KANK1: variants seen among roughly 807,000 people sequenced by gnomAD.
KANK1 encodes KN motif and ankyrin repeat domain-containing protein 1.
In KANK1, 109 loss-of-function variants were observed where a neutral mutation model predicts 106.2. The ratio of observed to expected loss-of-function variants is 1.03; its 90% CI spans 0.88 to 1.20. The LOEUF is 1.20. Among genes scored for constraint, KANK1 ranks in the 50% most tolerant of loss-of-function variants. The probability of loss-of-function intolerance (pLI) is 0.00; values close to 1 mark genes in which losing one functional copy is unlikely to be tolerated. For synonymous variants in KANK1, 873 were observed against 652.2 expected (o/e 1.34, Z -5.16); for missense variants, 2,399 against 1,710.7 (o/e 1.40, Z -7.10).
At chr9:693,653 A>G (rs1002702144) in intron 2 of KANK1, 71 of 985,276 alleles carry the variant, frequency 7.2e-5, no homozygotes, top group Non-Finnish European at 8.0e-5. Context: ...CCAAATGGGT[A>G]TAAATAAATT....
intron 1 of KANK1, among the ~76,000 whole-genome samples, chr9:625,257 C>G (rs565461122): frequency 1.1e-3 from 169 of 152,292 alleles, no homozygotes; most frequent in African/African-American, 4.0e-3. Context: ...TTTTATAAGT[C>G]CTTATCAAGT....
intron 1 of KANK1, among the ~76,000 whole-genome samples, chr9:514,994 G>C (rs1372189929): frequency 3.3e-5 from 5 of 151,638 alleles, no homozygotes; most frequent in Non-Finnish European, 7.4e-5. Flanking sequence ...TAATGAAGAT[G>C]AACACCTCAA....
intron 1 of KANK1, among the ~76,000 whole-genome samples, chr9:640,756 G>T (rs1838241658): frequency 6.7e-6 from 1 of 150,006 alleles, no homozygotes; most frequent in Non-Finnish European, 1.5e-5. Flanking sequence ...CAGTACAGTG[G>T]TGCAATCTTG....
intron 1 of KANK1, among the ~76,000 whole-genome samples, chr9:584,508 T>C (rs1203596140): frequency 6.6e-6 from 1 of 152,260 alleles, no homozygotes; most frequent in Non-Finnish European, 1.5e-5. Flanking sequence ...ATATGGTATT[T>C]GATCTGAACC....
intron 9 of KANK1, 121 bp downstream of exon 9, chr9:741,055 G>A (rs1249132993): frequency 5.4e-6 from 6 of 1,104,418 alleles, no homozygotes; most frequent in Non-Finnish European, 7.7e-6. Context: ...CTTGTTTGCA[G>A]GCCTGCCCTG....
intron 8 of KANK1, among the ~76,000 whole-genome samples, chr9:739,568 T>C (rs1758324472): frequency 6.6e-6 from 1 of 152,212 alleles, no homozygotes. Context: ...CTTTCTAGAC[T>C]ATAAACAGAG....
In KANK1 at chr9:711,476, GC is replaced by G; in HGVS notation, c.711del (p.Ser238ProfsTer7). 3.7e-6 allele frequency: 6 copies of G among 1,614,150 alleles called. No homozygotes were observed. Among genetic ancestry groups the G allele is most frequent in the Non-Finnish European group, 3.4e-6 (4 of 1,180,032 alleles). The stretch of plus-strand genomic sequence containing the variant: ...GCTCCCACCACTTCCTCCATGGGGA[GC>G]TCCATCCGCCACAGCCCCCTGAGCT... The part of the protein sequence containing the change: ...PAAPTTSSMG[S>X]SIRHSPLSSG... On this transcript the variant is annotated frameshift_variant, in exon 3 of 12. Coordinates refer to ENST00000382297, the MANE Select transcript of KANK1 (RefSeq NM_015158.5). LOFTEE classifies it high-confidence loss of function.
intron 2 of KANK1, among the ~76,000 whole-genome samples, chr9:681,587 C>G (rs908708440): frequency 1.3e-5 from 2 of 151,966 alleles, no homozygotes; most frequent in Non-Finnish European, 2.9e-5. Context: ...GGTGGTTGTG[C>G]AGGGAAAAAA....
chr9:598,174 A>G (rs1052084707), intron 1 of KANK1, among the ~76,000 whole-genome samples: 2 of 151,648 alleles, frequency 1.3e-5, no homozygotes, highest in Admixed American at 1.3e-4. Context: ...TCTATTGGCC[A>G]TATATGTGAG....
chr9:588,670 CA>C (rs1170276618), intron 1 of KANK1, among the ~76,000 whole-genome samples: 3 of 152,112 alleles, frequency 2.0e-5, no homozygotes, highest in African/African-American at 7.2e-5. Context: ...CTGTAGTAGT[CA>C]TGATCTCCTT....
intron 1 of KANK1, among the ~76,000 whole-genome samples, chr9:577,094 G>A (rs1225201622): frequency 1.3e-5 from 2 of 152,160 alleles, no homozygotes; most frequent in South Asian, 2.1e-4. Flanking sequence ...TGAAGGTAGT[G>A]CAGACCCAAA....
chr9:648,335 G>C (rs1029594639), intron 1 of KANK1, among the ~76,000 whole-genome samples: 3 of 152,014 alleles, frequency 2.0e-5, no homozygotes, highest in African/African-American at 7.3e-5. Flanking sequence ...TAACTGCATA[G>C]TAGTTAGTTT....
intron 2 of KANK1, among the ~76,000 whole-genome samples, chr9:704,790 G>A (rs552774824): frequency 2.0e-5 from 3 of 152,082 alleles, no homozygotes; most frequent in Non-Finnish European, 2.9e-5. Context: ...AGACCAGCCT[G>A]AGCAAAATAG....
chr9:606,682 C>T (rs1479908551), intron 1 of KANK1, among the ~76,000 whole-genome samples: 1 of 150,820 alleles, frequency 6.6e-6, no homozygotes, highest in Non-Finnish European at 1.5e-5. Flanking sequence ...TGCAGTATGT[C>T]AGTGCTTTCT....
At chr9:631,292 C>G (rs1436157044) in intron 1 of KANK1, among the ~76,000 whole-genome samples, 1 of 152,186 alleles carries the variant, frequency 6.6e-6, no homozygotes, top group African/African-American at 2.4e-5. Context: ...AAAAGAAATG[C>G]TGTGCGGCCT....
At position 711,502 on chromosome 9, in the gene KANK1, T is replaced by G; in HGVS notation, c.736T>G (p.Ser246Ala). The G allele has an allele frequency of 6.2e-7, 1 of 1,614,006 alleles. No individual in the cohort carries two copies. Among genetic ancestry groups the G allele is most frequent in the Non-Finnish European group, 8.5e-7 (1 of 1,179,994 alleles). Reference sequence around the variant, plus strand: ...CTCCATCCGCCACAGCCCCCTGAGCTCAGGGATCTCCACCCCAGTGACCAA... The same window carrying G: ...CTCCATCCGCCACAGCCCCCTGAGCGCAGGGATCTCCACCCCAGTGACCAA... The part of the protein sequence containing the change: ...GSSIRHSPLS[S>A]GISTPVTNVS... The change falls in exon 3 of 12, where the codon TCA becomes GCA. Residue 246 changes from serine (S) to alanine (A), a missense_variant. Ser to Ala is a moderately conservative substitution (Grantham distance 99). Transcript: ENST00000382297.
chr9:511,666 C>A (rs566398520), intron 1 of KANK1, among the ~76,000 whole-genome samples: 110 of 152,208 alleles, frequency 7.2e-4, no homozygotes, highest in African/African-American at 2.6e-3. Flanking sequence ...TTTTGAATTT[C>A]TGAATTATAG....
upstream of KANK1, among the ~76,000 whole-genome samples, chr9:503,566 C>T (rs772424598): frequency 1.3e-5 from 2 of 152,142 alleles, no homozygotes; most frequent in Non-Finnish European, 2.9e-5. Context: ...TGCACACTCA[C>T]AAAAAAGACT....
At chr9:639,088 A>G (rs1191656147) in intron 1 of KANK1, among the ~76,000 whole-genome samples, 1 of 152,176 alleles carries the variant, frequency 6.6e-6, no homozygotes, top group African/African-American at 2.4e-5. Flanking sequence ...AAACACTCTT[A>G]GGACATGCTT....
Sources: allele counts gnomAD v4.1 joint callset (sites outside exome capture counted in the v4.1 genomes callset), GRCh38; gene constraint gnomAD v4.1.1; transcripts MANE v1.5; gene names NCBI Gene and HGNC (gene_info 2026-07-23, HGNC 2026-07-21).